The following CFAP69 variants were observed in gnomAD, a reference collection of about 807,000 sequenced individuals.
The protein encoded by CFAP69 is cilia- and flagella-associated protein 69.
A neutral mutation model predicts 123.0 loss-of-function variants in CFAP69; 92 were observed. The ratio of observed to expected loss-of-function variants is 0.75; its 90% confidence interval spans 0.63 to 0.89. CFAP69 has a LOEUF of 0.89. Among genes scored for constraint, CFAP69 ranks in the 40% least tolerant of loss-of-function variants. The pLI, the probability that CFAP69 is intolerant of heterozygous loss-of-function variation, is 0.00. For missense variants in CFAP69, 1,067 were observed against 1,096.9 expected (o/e 0.97, Z 0.39); for synonymous variants, 380 against 364.3 (o/e 1.04, Z -0.49).
At chr7:90,259,728 C>T (rs1007824583) in intron 3 of CFAP69, among the ~76,000 whole-genome samples, 4 of 152,080 alleles carry the variant, frequency 2.6e-5, no homozygotes, top group African/African-American at 9.7e-5. Flanking sequence ...TGAAACAATC[C>T]TCTCGCCTCG....
chr7:90,284,801 A>G (rs1273731407), intron 13 of CFAP69, among the ~76,000 whole-genome samples: 2 of 152,340 alleles, frequency 1.3e-5, no homozygotes, highest in Middle Eastern at 3.4e-3. Flanking sequence ...CCAAAGTTTT[A>G]TGAAGATAAA....
intron 5 of CFAP69, 105 bp from the exon 6 acceptor site, chr7:90,268,181 G>A: frequency 1.5e-6 from 1 of 680,128 alleles, no homozygotes; most frequent in Non-Finnish European, 2.4e-6. Context: ...TTGAATCTCT[G>A]AGAATATTTT....
At chr7:90,256,939 A>C (rs1260431712) in intron 2 of CFAP69, among the ~76,000 whole-genome samples, 1 of 152,228 alleles carries the variant, frequency 6.6e-6, no homozygotes, top group Non-Finnish European at 1.5e-5. Context: ...TTGACTTAAG[A>C]TGTTTGGCTT....
At chr7:90,266,077 C>A (rs1320978098) in intron 5 of CFAP69, 4 of 151,996 alleles carry the variant, frequency 2.6e-5, no homozygotes, top group Non-Finnish European at 4.4e-5. Flanking sequence ...ATAAAAGATA[C>A]ACAATTGATC....
chr7:90,260,604 T>C (rs1026301201), intron 3 of CFAP69, among the ~76,000 whole-genome samples: 2 of 152,180 alleles, frequency 1.3e-5, no homozygotes, highest in Non-Finnish European at 2.9e-5. Context: ...TCTTAAGACT[T>C]CCATTCAGGA....
chr7:90,293,347 C>A (rs552707759), intron 15 of CFAP69, among the ~76,000 whole-genome samples: 3 of 152,114 alleles, frequency 2.0e-5, no homozygotes, highest in Non-Finnish European at 4.4e-5. Context: ...CCTTTTATAA[C>A]CCTTTACAAT....
chr7:90,245,174 A>G lies in CFAP69; in HGVS notation c.-251A>G, dbSNP rs1364315912. The G allele has an allele frequency of 2.7e-6, 1 of 375,338 alleles. No individual in the cohort carries two copies. The highest frequency in any genetic ancestry group is 4.6e-6 in the Non-Finnish European group (1 of 216,298). 23.3% of individuals were successfully genotyped at this position (375,338 alleles called of 1,614,324 possible). A position where few individuals can be genotyped will look rare whatever the true frequency, so the allele number is the denominator to read the frequency against. ...TCCGTAGCCTCTGGCCCCGCCCCCT[A>G]GCAACGCGCTGGCTTGTGTTAACAA... On this transcript the variant is annotated 5_prime_UTR_variant, in exon 1 of 23. Transcript: ENST00000389297.
At chr7:90,290,257 G>C (rs572699313) in intron 15 of CFAP69, among the ~76,000 whole-genome samples, 1 of 152,190 alleles carries the variant, frequency 6.6e-6, no homozygotes, top group Non-Finnish European at 1.5e-5. Flanking sequence ...ATACCCAGGA[G>C]TACCGATGGT....
downstream of CFAP69, chr7:90,312,579 C>T (rs954893932): frequency 3.9e-5 from 6 of 152,148 alleles, no homozygotes; most frequent in African/African-American, 1.4e-4. Context: ...TTCCTTAATA[C>T]AGACACTTGC....
At chr7:90,293,910 C>T (rs1791562403) in intron 15 of CFAP69, among the ~76,000 whole-genome samples, 1 of 152,124 alleles carries the variant, frequency 6.6e-6, no homozygotes, top group African/African-American at 2.4e-5. Flanking sequence ...ATTAAGGGGG[C>T]CTAACGACCT....
rs992444767 is a variant in CFAP69 at position 90,290,469 on chromosome 7, A to G, written c.1775+2117A>G. Among the ~76,000 whole-genome samples, 5 of 152,322 alleles carry G rather than the reference A, an allele frequency of 3.3e-5. No homozygotes were observed. The East Asian group carries it at 7.7e-4, about 23-fold the overall frequency. ...TCTGTTTAGATCTTCAGTTGCTTGC[A>G]TAAGGCCCACCCACATTAGTAAGGG... is the stretch of plus-strand genomic sequence containing the variant. On this transcript the variant is annotated intron_variant, in intron 15 of 22. Transcript: ENST00000389297.
rs765674701 is a variant in CFAP69, at chr7:90,299,889, A to G, written c.1880A>G (p.Asn627Ser). 25 of 1,606,850 alleles carry G rather than the reference A, an allele frequency of 1.6e-5. No homozygotes were observed. The East Asian group carries it at 4.9e-4, about 32-fold the overall frequency. ...AAGTTGAACCAAAAAAAATTCTGTAATCTAATACTTGGAATAATGGTTGAA... is the reference window on the plus strand; with the variant it reads ...AAGTTGAACCAAAAAAAATTCTGTAGTCTAATACTTGGAATAATGGTTGAA... ...LLALNQKKFCNLILGIMVEFC... is the reference protein window; with the variant it reads ...LLALNQKKFCSLILGIMVEFC... Residue 627 changes from asparagine (N) to serine (S), a missense_variant, in exon 17 of 23, where the codon AAT (asparagine) becomes AGT (serine). Transcript: ENST00000389297.
In CFAP69 at chr7:90,286,240, G is replaced by A. The variant is rs537403419; in HGVS notation, c.1538-41G>A. Reference sequence around the variant, plus strand: ...ACAGTAATTGATCAAAATAAAAGTAGTGTCCAATAACTATACAGTCTTTAA... The same window carrying A: ...ACAGTAATTGATCAAAATAAAAGTAATGTCCAATAACTATACAGTCTTTAA... On this transcript the variant is annotated intron_variant, in intron 13 of 22. Transcript: ENST00000389297. 1.6e-4 allele frequency: 238 copies of A among 1,485,444 alleles called. 3 individuals are homozygous for A. The South Asian group carries it at 3.0e-3, about 19-fold the overall frequency. The allele number at this position is 1,485,444 out of a possible 1,614,324, so 92.0% of individuals were successfully genotyped here.
At chr7:90,311,106 G>C (rs1794287846), downstream of CFAP69, 1 of 152,104 alleles carries the variant, frequency 6.6e-6, no homozygotes, top group South Asian at 2.1e-4. Flanking sequence ...GGTGTAATGG[G>C]GGAAGTGTTT....
chr7:90,321,308 C>T, the CFAP69 span: 1 of 152,288 alleles, frequency 6.6e-6, no homozygotes, highest in African/African-American at 2.4e-5. Flanking sequence ...GAGACAGACC[C>T]GCCGCTGGGA....
At chr7:90,275,776 G>A (rs962653266) in intron 9 of CFAP69, among the ~76,000 whole-genome samples, 11 of 151,358 alleles carry the variant, frequency 7.3e-5, no homozygotes, top group East Asian at 1.9e-4. Flanking sequence ...TAATTTTTTC[G>A]TATTTTTAGT....
chr7:90,264,105 ATATATATATATATATAT>A (rs1270423219), intron 4 of CFAP69, among the ~76,000 whole-genome samples: 1,451 of 71,416 alleles, frequency 0.02, 278 homozygotes, highest in East Asian at 0.054. Context: ...AAAAAAAAAA[ATATATATATATATATAT>A]ATATATATAT....
intron 15 of CFAP69, among the ~76,000 whole-genome samples, chr7:90,292,044 T>G (rs1047699031): frequency 6.6e-6 from 1 of 152,140 alleles, no homozygotes; most frequent in African/African-American, 2.4e-5. Flanking sequence ...GAAACATATT[T>G]CTCTCTCCAG....
At chr7:90,296,369 C>T (rs190881001) in intron 15 of CFAP69, among the ~76,000 whole-genome samples, 5 of 151,528 alleles carry the variant, frequency 3.3e-5, no homozygotes, top group Admixed American at 6.6e-5. Flanking sequence ...ATTCTGTCAC[C>T]CAGCCCGGGG....
Sources: allele counts gnomAD v4.1 joint callset (sites outside exome capture counted in the v4.1 genomes callset), GRCh38; gene constraint gnomAD v4.1.1; transcripts MANE v1.5; gene names NCBI Gene and HGNC (gene_info 2026-07-23, HGNC 2026-07-21).